TMEM132C: variants seen among roughly 807,000 people sequenced by gnomAD.
The protein encoded by TMEM132C is protein phosphatase 1, regulatory subunit 152.
In TMEM132C, 29 loss-of-function variants were observed where a neutral mutation model predicts 61.4. That is an observed-to-expected ratio of 0.47 (90% CI 0.35 to 0.64). TMEM132C has a LOEUF of 0.64. Ranked by LOEUF, TMEM132C falls within the 30% of genes least tolerant of loss-of-function variation. The pLI, the probability that TMEM132C is intolerant of heterozygous loss-of-function variation, is 0.00. For synonymous variants in TMEM132C, 656 were observed against 633.1 expected, an observed-to-expected ratio of 1.04 and a Z score of -0.54; for missense variants, 1,408 against 1,476.9, an observed-to-expected ratio of 0.95 and a Z score of 0.76.
intron 2 of TMEM132C, among the ~76,000 whole-genome samples, chr12:128,529,166 G>A (rs941969820): frequency 2.0e-4 from 30 of 151,414 alleles, no homozygotes; most frequent in Middle Eastern, 6.9e-3. Context: ...TAATTAATTA[G>A]TATAATTAAA....
At chr12:128,704,937 T>C (rs576991593) in intron 8 of TMEM132C, among the ~76,000 whole-genome samples, 153 bp from the exon 9 acceptor site, 37 of 152,348 alleles carry the variant, frequency 2.4e-4, no homozygotes, top group African/African-American at 8.9e-4. Context: ...CTGCCCCTGA[T>C]AGAAAACCTG....
At chr12:128,400,810 A>G (rs1875131158) in intron 1 of TMEM132C, among the ~76,000 whole-genome samples, 1 of 151,892 alleles carries the variant, frequency 6.6e-6, no homozygotes, top group South Asian at 2.1e-4. Flanking sequence ...GGGTTTCACC[A>G]TGTTGGCCAG....
At chr12:128,387,340 G>C (rs1874618552) in intron 1 of TMEM132C, among the ~76,000 whole-genome samples, 1 of 152,112 alleles carries the variant, frequency 6.6e-6, no homozygotes, top group South Asian at 2.1e-4. Flanking sequence ...TTCTGCACCA[G>C]GAGGTGTGGA....
chr12:128,650,732 C>CA (rs962382491), intron 4 of TMEM132C, among the ~76,000 whole-genome samples: 32 of 150,866 alleles, frequency 2.1e-4, no homozygotes, highest in East Asian at 9.7e-4. Context: ...GACCCTGTCT[C>CA]AAAAAAAAAG....
At chr12:128,508,262 A>G (rs1049444059) in intron 2 of TMEM132C, among the ~76,000 whole-genome samples, 33 of 152,290 alleles carry the variant, frequency 2.2e-4, no homozygotes, top group African/African-American at 7.7e-4. Context: ...TACCATGAGA[A>G]CGGTATGGGG....
chr12:128,274,523 T>C (rs1318175189), intron 1 of TMEM132C, among the ~76,000 whole-genome samples: 1 of 152,168 alleles, frequency 6.6e-6, no homozygotes, highest in Non-Finnish European at 1.5e-5. Flanking sequence ...CTTAATTGCT[T>C]ATTACTAAGT....
intron 2 of TMEM132C, among the ~76,000 whole-genome samples, chr12:128,423,592 T>A (rs922372136): frequency 1.3e-5 from 2 of 152,196 alleles, no homozygotes; most frequent in Non-Finnish European, 2.9e-5. Flanking sequence ...CAGGTAGAGT[T>A]GAAAGACTGG....
chr12:128,557,633 C>T (rs1159344427), intron 3 of TMEM132C, among the ~76,000 whole-genome samples: 2 of 152,180 alleles, frequency 1.3e-5, no homozygotes, highest in African/African-American at 4.8e-5. Context: ...ATCCCCAAGG[C>T]TCTGTGTGTC....
At chr12:128,592,971 TTCTCTCTGC>T (rs1338343462) in intron 3 of TMEM132C, among the ~76,000 whole-genome samples, 1 of 152,226 alleles carries the variant, frequency 6.6e-6, no homozygotes, top group Non-Finnish European at 1.5e-5. Context: ...CTCATGGTTC[TTCTCTCTGC>T]TCTCTCTTTC....
At chr12:128,699,334 C>T (rs574440988) in intron 8 of TMEM132C, among the ~76,000 whole-genome samples, 58 of 152,290 alleles carry the variant, frequency 3.8e-4, no homozygotes, top group Non-Finnish European at 7.1e-4. Context: ...TATCAGAAGG[C>T]TGAAATCACA....
intron 2 of TMEM132C, among the ~76,000 whole-genome samples, chr12:128,483,392 G>A (rs2136093205): frequency 6.6e-6 from 1 of 151,830 alleles, no homozygotes; most frequent in African/African-American, 2.4e-5. Context: ...GGAGCCCCTG[G>A]GTAATCATTT....
chr12:128,311,666 C>T (rs1450647006), intron 1 of TMEM132C, among the ~76,000 whole-genome samples: 1 of 152,208 alleles, frequency 6.6e-6, no homozygotes, highest in Non-Finnish European at 1.5e-5. Flanking sequence ...CGTGGCACCC[C>T]CGCCGGAACC....
intron 1 of TMEM132C, among the ~76,000 whole-genome samples, chr12:128,359,215 G>C (rs1306067310): frequency 6.6e-6 from 1 of 152,172 alleles, no homozygotes; most frequent in Non-Finnish European, 1.5e-5. Context: ...CTGACACTGA[G>C]TAATTTATAA....
At chr12:128,449,130 C>T (rs1169432268) in intron 2 of TMEM132C, among the ~76,000 whole-genome samples, 1 of 104,714 alleles carries the variant, frequency 9.5e-6, no homozygotes, top group Admixed American at 1.3e-4. Flanking sequence ...GAGCGAGACT[C>T]TGTCTCAAAA....
At chr12:128,677,928 G>C (rs1954605968) in intron 5 of TMEM132C, among the ~76,000 whole-genome samples, 1 of 152,246 alleles carries the variant, frequency 6.6e-6, no homozygotes, top group Admixed American at 6.5e-5. Context: ...CCGGCACATG[G>C]AGAGCAACCT....
Position 128,616,139 on chromosome 12 carries a change from T to A in TMEM132C, c.1122-13T>A. The A allele has an allele frequency of 1.3e-6, 2 of 1,548,924 alleles. No homozygotes were observed. The highest frequency in any genetic ancestry group is 1.7e-6 in the Non-Finnish European group (2 of 1,145,634). On this transcript the variant is annotated splice_polypyrimidine_tract_variant and intron_variant, in intron 3 of 8. Coordinates refer to ENST00000435159, the MANE Select transcript of TMEM132C (RefSeq NM_001136103.3). ...AAAGTTGGCTTAAAGCCAGTTTCTT[T>A]TCTCTCTTCCAGGAGCAGCAGTTTA...
At chr12:128,698,378 G>T (rs536201613) in intron 8 of TMEM132C, among the ~76,000 whole-genome samples, 8 of 152,294 alleles carry the variant, frequency 5.3e-5, no homozygotes, top group African/African-American at 1.4e-4. Context: ...AGGACTTTCT[G>T]CTTCTGATGC....
chr12:128,588,922 CTG>C (rs377286712), intron 3 of TMEM132C, among the ~76,000 whole-genome samples: 1 of 152,284 alleles, frequency 6.6e-6, no homozygotes, highest in African/African-American at 2.4e-5. Flanking sequence ...AAGTCAGGGA[CTG>C]TGTTTGCAAA....
intron 2 of TMEM132C, among the ~76,000 whole-genome samples, chr12:128,533,379 A>ATGTTAGCT (rs1873400955): frequency 6.6e-6 from 1 of 152,026 alleles, no homozygotes; most frequent in Non-Finnish European, 1.5e-5. Context: ...CTTTATTTTC[A>ATGTTAGCT]TGTTAGCAAC....
Sources: gnomAD v4.1 joint callset for allele counts (sites outside exome capture counted in the v4.1 genomes callset) on GRCh38, gnomAD v4.1.1 for gene constraint, MANE v1.5 for transcripts, NCBI Gene and HGNC (gene_info 2026-07-23, HGNC 2026-07-21) for gene names.